The following ANK1 variants were observed in gnomAD, a reference collection of about 807,000 sequenced individuals.
ANK1 encodes ankyrin-1.
ANK1 carries 51 observed loss-of-function variants against 210.4 expected under a neutral mutation model. That is an observed-to-expected ratio of 0.24 (90% confidence interval 0.19 to 0.31). The LOEUF is 0.31. Ranked by LOEUF, ANK1 falls within the 10% of genes least tolerant of loss-of-function variation. ANK1 has a pLI of 1.00. For missense variants in ANK1, 2,051 were observed against 2,504.4 expected (o/e 0.82, Z 3.86); for synonymous variants, 967 against 1,025.9 (o/e 0.94, Z 1.10).
intron 1 of ANK1, among the ~76,000 whole-genome samples, chr8:41,844,716 C>G (rs1464032992): frequency 1.3e-5 from 2 of 152,212 alleles, no homozygotes; most frequent in Non-Finnish European, 2.9e-5. Context: ...TAAAAAGTCT[C>G]TAAAGAGCTT....
rs1817004123 is a variant in ANK1, at chr8:41,878,537, G to A, written c.126+17818C>T. ...ATCAAATCGCACTCAAGGTTAATTGGATAGAAAAATACAAGTGCTAGCCCA... is the reference window on the plus strand; with the variant it reads ...ATCAAATCGCACTCAAGGTTAATTGAATAGAAAAATACAAGTGCTAGCCCA... On this transcript the variant is annotated intron_variant, in intron 1 of 42. Coordinates refer to the ANK1 transcript ENST00000265709. Among the ~76,000 whole-genome samples, 3 of 152,302 alleles carry A rather than the reference G, an allele frequency of 2.0e-5. No homozygotes were observed. The South Asian group carries it at 6.2e-4, about 32-fold the overall frequency.
At chr8:41,744,998 G>A (rs1366234847) in intron 2 of ANK1, among the ~76,000 whole-genome samples, 1 of 152,178 alleles carries the variant, frequency 6.6e-6, no homozygotes, top group African/African-American at 2.4e-5. Context: ...GATGAGACAT[G>A]ACAACTAAAT....
Position 41,668,500 on chromosome 8 carries a change from A to T in ANK1, c.5161T>A (p.Trp1721Arg), listed in dbSNP as rs1251500271. The change falls in exon 39 of 43, where the codon TGG (tryptophan) becomes AGG (arginine). Residue 1721 changes from tryptophan to arginine, a missense_variant. Trp to Arg is a moderately radical substitution (Grantham distance 101). Coordinates refer to ENST00000289734, the MANE Select transcript of ANK1 (RefSeq NM_000037.4). ...GGACCTTGCGTGACCTCCTCTTGCC[A>T]GGAACCTTGTGCAGCATCTTGCAGG... ...SYLQDAAQGS[W>R]QEEVTQGPHS... 3.1e-6 allele frequency: 5 copies of T among 1,614,216 alleles called. No individual in the cohort carries two copies. The highest frequency in any genetic ancestry group is 4.2e-6 in the Non-Finnish European group (5 of 1,180,036).
chr8:41,849,756 C>T (rs1030216043), intron 1 of ANK1, among the ~76,000 whole-genome samples: 11 of 152,212 alleles, frequency 7.2e-5, no homozygotes, highest in Admixed American at 2.0e-4. Context: ...GTCTTTTCTA[C>T]GTGATCTCTC....
intron 1 of ANK1, among the ~76,000 whole-genome samples, chr8:41,825,387 C>G (rs775279974): frequency 3.3e-5 from 5 of 152,204 alleles, no homozygotes; most frequent in Non-Finnish European, 7.3e-5. Context: ...CCAGCTCTGT[C>G]CCCCCTAGAA....
chr8:41,655,610 G>A lies in ANK1; in HGVS notation c.*180C>T, dbSNP rs1440887217. Reference sequence around the variant, plus strand: ...TACAGTCAGTCATTCATGCCAAGAGGGGACTAGCAGGAGTCCCTTACAGAG... The same window carrying A: ...TACAGTCAGTCATTCATGCCAAGAGAGGACTAGCAGGAGTCCCTTACAGAG... On this transcript the variant is annotated 3_prime_UTR_variant, in exon 43 of 43. Transcript: ENST00000289734. The A allele has an allele frequency of 1.6e-5, 20 of 1,259,326 alleles. No homozygotes were observed. Among genetic ancestry groups the A allele is most frequent in the Non-Finnish European group, 1.2e-5 (10 of 869,020 alleles). The allele number at this position is 1,259,326 out of a possible 1,614,324, so 78.0% of individuals were successfully genotyped here.
At chr8:41,763,873 C>CTTTTTTTATTTTTTTTTT (rs1427763122) in intron 1 of ANK1, among the ~76,000 whole-genome samples, 1 of 56,798 alleles carries the variant, frequency 1.8e-5, no homozygotes, top group Non-Finnish European at 3.7e-5. Flanking sequence ...TTTCTTCTTT[C>CTTTTTTTATTTTTTTTTT]TTTTTTTCTT....
At chr8:41,775,739 T>C (rs906178822) in intron 1 of ANK1, among the ~76,000 whole-genome samples, 2 of 152,020 alleles carry the variant, frequency 1.3e-5, no homozygotes, top group African/African-American at 2.4e-5. Flanking sequence ...AAATTAAAAT[T>C]AGCCATACAT....
chr8:41,810,378 C>T (rs77393860), intron 1 of ANK1, among the ~76,000 whole-genome samples: 1,736 of 152,286 alleles, frequency 0.011, 20 homozygotes, highest in Non-Finnish European at 0.018. Flanking sequence ...TTTTATATTT[C>T]CCCCCAAAAG....
intron 1 of ANK1, among the ~76,000 whole-genome samples, chr8:41,883,725 G>C (rs766842123): frequency 6.6e-6 from 1 of 152,160 alleles, no homozygotes; most frequent in Non-Finnish European, 1.5e-5. Context: ...CACCCAAAGA[G>C]CTGGGATTAC....
intron 39 of ANK1, among the ~76,000 whole-genome samples, chr8:41,664,604 A>G (rs955957275): frequency 6.6e-6 from 1 of 151,952 alleles, no homozygotes; most frequent in African/African-American, 2.4e-5. Flanking sequence ...GTCACAATGC[A>G]CTGGGCACCA....
chr8:41,830,871 CTG>C (rs1463468786), intron 1 of ANK1, among the ~76,000 whole-genome samples: 3 of 152,214 alleles, frequency 2.0e-5, no homozygotes, highest in African/African-American at 7.2e-5. Flanking sequence ...GTGTATAATA[CTG>C]TCATAACCTT....
At chr8:41,761,629 AT>A (rs1042287390) in intron 1 of ANK1, among the ~76,000 whole-genome samples, 57 of 152,290 alleles carry the variant, frequency 3.7e-4, no homozygotes, top group Middle Eastern at 3.4e-3. Context: ...GTGTGTGGCG[AT>A]TTGTTACAGC....
chr8:41,838,466 G>T (rs924684373), intron 1 of ANK1, among the ~76,000 whole-genome samples: 3 of 152,164 alleles, frequency 2.0e-5, no homozygotes, highest in African/African-American at 7.2e-5. Flanking sequence ...TAAAGTGATT[G>T]TTAAAGATGT....
upstream of ANK1, among the ~76,000 whole-genome samples, chr8:41,798,660 G>A (rs575282359): frequency 6.6e-6 from 1 of 152,324 alleles, no homozygotes; most frequent in Admixed American, 6.5e-5. Flanking sequence ...TGACCCCGAG[G>A]AGCTGAGCTG....
In ANK1 at chr8:41,692,500, T is replaced by C. The variant is rs74908683; in HGVS notation, c.3858+148A>G. Reference sequence around the variant, plus strand: ...CTCCTTTCCTGAAGCTTCTCTAAGATGCTTCTCAAGAGGGGTCTCAAAGAC... The same window carrying C: ...CTCCTTTCCTGAAGCTTCTCTAAGACGCTTCTCAAGAGGGGTCTCAAAGAC... On this transcript the variant is annotated intron_variant, in intron 31 of 42. Transcript: ENST00000289734. 1,943 of 779,706 alleles carry C rather than the reference T, an allele frequency of 2.5e-3. 27 individuals are homozygous for C. The African/African-American group carries it at 0.029, about 12-fold the overall frequency. The allele number at this position is 779,706 out of a possible 1,614,324, so 48.3% of individuals were successfully genotyped here.
intron 2 of ANK1, among the ~76,000 whole-genome samples, chr8:41,743,178 C>G (rs7819638): frequency 0.24 from 35,869 of 151,872 alleles, 4,818 homozygotes; most frequent in South Asian, 0.29. Context: ...AGAGCCTAAA[C>G]TGGGGTTACA....
chr8:41,862,255 G>A (rs1396724267), intron 1 of ANK1, among the ~76,000 whole-genome samples: 3 of 152,194 alleles, frequency 2.0e-5, no homozygotes, highest in Non-Finnish European at 4.4e-5. Flanking sequence ...GGCTGAGGAC[G>A]AGTTATTTAA....
At chr8:41,803,060 A>AGG (rs1850292566) in intron 1 of ANK1, among the ~76,000 whole-genome samples, 1 of 59,038 alleles carries the variant, frequency 1.7e-5, no homozygotes, top group African/African-American at 8.1e-5. Context: ...AGAAAGAGAG[A>AGG]AAGGAAGGAA....
Sources: allele counts gnomAD v4.1 joint callset (sites outside exome capture counted in the v4.1 genomes callset), GRCh38; gene constraint gnomAD v4.1.1; transcripts MANE v1.5; gene names NCBI Gene and HGNC (gene_info 2026-07-23, HGNC 2026-07-21).